Variants in PKHD1L1 observed in about 807,000 individuals in gnomAD.
PKHD1L1 encodes the protein PKHD1 like 1.
A neutral mutation model predicts 462.9 loss-of-function variants in PKHD1L1; 434 were observed. That is an observed-to-expected ratio of 0.94 (90% confidence interval 0.87 to 1.02). PKHD1L1 has a LOEUF of 1.02. PKHD1L1 is among the 50% of genes least tolerant of loss of function. The pLI, the probability that PKHD1L1 is intolerant of heterozygous loss-of-function variation, is 0.00. For synonymous variants in PKHD1L1, 1,781 were observed against 1,750.0 expected (o/e 1.02, Z -0.44); for missense variants, 5,202 against 5,096.1 (o/e 1.02, Z -0.63).
rs747855407 is a variant in PKHD1L1 at position 109,440,743 on chromosome 8, A to T, written c.3990A>T (p.Leu1330Phe). Residue 1330 changes from leucine (L) to phenylalanine (F), a missense_variant, in exon 33 of 78, where the codon TTA becomes TTT. By Grantham distance (22) the Leu-to-Phe change is conservative. Around this residue, in one of 3 missense-constraint regions of PKHD1L1, gnomAD observed 4,497 missense variants for 4,336.8 expected, o/e 1.04. Transcript: ENST00000378402. ...DKLNSSIQYV[L>F]EVTSMFPQRG... ...TAAATTCTTCAATACAGTATGTTTT[A>T]GAAGTGACCAGCATGTTTCCACAAA... 1 of 1,612,880 alleles carries T rather than the reference A, an allele frequency of 6.2e-7. No homozygotes were observed. Among genetic ancestry groups the T allele is most frequent in the South Asian group, 1.1e-5 (1 of 91,022 alleles).
In PKHD1L1 at chr8:109,409,943, A is replaced by C; in HGVS notation, c.2050A>C (p.Lys684Gln). The C allele has an allele frequency of 6.2e-7, 1 of 1,603,774 alleles. No homozygotes were observed. Among genetic ancestry groups the C allele is most frequent in the South Asian group, 1.1e-5 (1 of 89,398 alleles). Residue 684 changes from lysine to glutamine, a missense_variant, in exon 19 of 78, where the codon AAA (lysine) becomes CAA (glutamine). Around this residue, in one of 3 missense-constraint regions of PKHD1L1, gnomAD observed 4,497 missense variants for 4,336.8 expected, o/e 1.04. Transcript: ENST00000378402. ...AAATTTTGAAGAAGGATTTGTTGTG[A>C]AATATTTCAGAGACTATGAAACTGA... is the stretch of plus-strand genomic sequence containing the variant. ...IANFEEGFVV[K>Q]YFRDYETDFN...
At chr8:109,497,384 C>A in intron 65 of PKHD1L1, 112 bp downstream of exon 65, 1 of 1,255,440 alleles carries the variant, frequency 8.0e-7, no homozygotes, top group Non-Finnish European at 1.1e-6. Flanking sequence ...GTCTCGCCCA[C>A]ACCTCCCTGC....
chr8:109,418,173 T>C (rs540316379), intron 21 of PKHD1L1, among the ~76,000 whole-genome samples: 1 of 152,310 alleles, frequency 6.6e-6, no homozygotes, highest in African/African-American at 2.4e-5. Context: ...TTCTAAGTTG[T>C]GGTTTTTAAA....
chr8:109,514,706 A>G (rs1820173360), intron 71 of PKHD1L1, among the ~76,000 whole-genome samples: 1 of 152,158 alleles, frequency 6.6e-6, no homozygotes, highest in Non-Finnish European at 1.5e-5. Flanking sequence ...AAAAATGAAT[A>G]AAATTGAATC....
At position 109,449,430 on chromosome 8, in the gene PKHD1L1, A is replaced by G. The variant is rs1170208551; in HGVS notation, c.6118A>G (p.Ile2040Val). 1.9e-6 allele frequency: 3 copies of G among 1,598,876 alleles called. No homozygotes were observed. Among genetic ancestry groups the G allele is most frequent in the African/African-American group, 2.7e-5 (2 of 74,682 alleles). The change falls in exon 40 of 78, where the codon ATT becomes GTT. Residue 2040 changes from isoleucine (I) to valine (V), a missense_variant. By Grantham distance (29) the Ile-to-Val change is conservative. Around this residue, in one of 3 missense-constraint regions of PKHD1L1, gnomAD observed 4,497 missense variants for 4,336.8 expected, o/e 1.04. Transcript: ENST00000378402. The stretch of plus-strand genomic sequence containing the variant: ...ATTAGTTTGTGGCTCAGAATGTGCA[A>G]TTGACAGGCTTAGATCTGATTACAC... ...IILVCGSECA[I>V]DRLRSDYTTL...
intron 72 of PKHD1L1, among the ~76,000 whole-genome samples, chr8:109,516,900 G>C (rs1375961623): frequency 6.6e-6 from 1 of 151,942 alleles, no homozygotes; most frequent in Admixed American, 6.6e-5. Flanking sequence ...AATTAATAGT[G>C]GAATAAGGCA....
chr8:109,515,212 G>T lies in PKHD1L1; in HGVS notation c.11596G>T (p.Asp3866Tyr). 1 of 1,603,692 alleles carries T rather than the reference G, an allele frequency of 6.2e-7. No homozygotes were observed. ...GIFFSTLQRLDVYVNNLLVCP... is the reference protein window; with the variant it reads ...GIFFSTLQRLYVYVNNLLVCP... ...TTTCTTTTCCACACTTCAACGTTTG[G>T]ATGTCTATGTGAACAACTTATTGGT... Residue 3866 changes from aspartate (D) to tyrosine (Y), a missense_variant, in exon 72 of 78, where the codon GAT becomes TAT. By Grantham distance (160) the Asp-to-Tyr change is radical (BLOSUM62 -3). Around this residue, in one of 3 missense-constraint regions of PKHD1L1, gnomAD observed 698 missense variants for 736.3 expected, o/e 0.95. Coordinates refer to ENST00000378402, the MANE Select transcript of PKHD1L1 (RefSeq NM_177531.6).
At chr8:109,431,729 A>G (rs1815112989) in intron 27 of PKHD1L1, among the ~76,000 whole-genome samples, 1 of 152,222 alleles carries the variant, frequency 6.6e-6, no homozygotes, top group South Asian at 2.1e-4. Context: ...CTATTGGTGG[A>G]CATTTAGATT....
Position 109,420,706 on chromosome 8 carries a change from T to C in PKHD1L1, c.2697+16T>C. Reference sequence around the variant, plus strand: ...CTTTGGGCAGGTAAGCCTAGAATTTTGCATTAATTTTTATGTAGTGAATTT... The same window carrying C: ...CTTTGGGCAGGTAAGCCTAGAATTTCGCATTAATTTTTATGTAGTGAATTT... On this transcript the variant is annotated intron_variant, in intron 23 of 77. Transcript: ENST00000378402. 1 of 1,499,956 alleles carries C rather than the reference T, an allele frequency of 6.7e-7. No homozygotes were observed. The highest frequency in any genetic ancestry group is 8.9e-7 in the Non-Finnish European group (1 of 1,126,170). 92.9% of individuals were successfully genotyped at this position (1,499,956 alleles called of 1,614,324 possible). A position where few individuals can be genotyped will look rare whatever the true frequency, so the allele number is the denominator to read the frequency against.
At chr8:109,449,615 T>C (rs564069274) in intron 40 of PKHD1L1, 128 bp downstream of exon 40, 5 of 721,560 alleles carry the variant, frequency 6.9e-6, no homozygotes, top group Admixed American at 3.9e-5. Flanking sequence ...GTCCTGATTC[T>C]AAGCAATTTC....
intron 24 of PKHD1L1, among the ~76,000 whole-genome samples, chr8:109,426,093 A>G (rs1339564320): frequency 6.6e-6 from 1 of 152,116 alleles, no homozygotes; most frequent in African/African-American, 2.4e-5. Flanking sequence ...ATATGAAGCT[A>G]AACTATTCAG....
chr8:109,443,061 C>T lies in PKHD1L1; in HGVS notation c.4509C>T (p.Thr1503=). The change falls in exon 36 of 78, where the codon ACC becomes ACT. Residue 1503 remains threonine, a synonymous_variant. Coordinates refer to ENST00000378402, the MANE Select transcript of PKHD1L1 (RefSeq NM_177531.6). ...QGVINVLPAE[T]RHIPLHLFVG... is the part of the protein sequence containing the mutation. ...TCATTAATGTTTTACCAGCTGAAAC[C>T]AGACACATTCCCTTGCACCTGTTTG... 6.2e-7 allele frequency: 1 copy of T among 1,613,674 alleles called. No homozygotes were observed. The highest frequency in any genetic ancestry group is 8.5e-7 in the Non-Finnish European group (1 of 1,179,672).
At chr8:109,487,890 G>GAAGGAAGGA (rs1554589553) in intron 59 of PKHD1L1, among the ~76,000 whole-genome samples, 1 of 69,296 alleles carries the variant, frequency 1.4e-5, no homozygotes, top group African/African-American at 5.9e-5. Context: ...GAGAGAGAGA[G>GAAGGAAGGA]AGGAAGGAAG....
intron 48 of PKHD1L1, among the ~76,000 whole-genome samples, chr8:109,462,432 C>T (rs1817189916): frequency 6.6e-6 from 1 of 152,176 alleles, no homozygotes; most frequent in African/African-American, 2.4e-5. Context: ...TCTGATTTAT[C>T]TCCTACGACC....
rs749338119 is a variant in PKHD1L1, at chr8:109,491,937, A to G, written c.10179A>G (p.Pro3393=). 1.4e-5 allele frequency: 22 copies of G among 1,604,004 alleles called. No homozygotes were observed. Among genetic ancestry groups the G allele is most frequent in the Non-Finnish European group, 1.8e-5 (21 of 1,173,650 alleles). ...ATTTGATTGCACTTTCGGTTTGGCC[A>G]GGAACCTATCAGAACAGAAAAGATT... ...RGNLIALSVW[P]GTYQNRKDLS... Residue 3393 remains proline, a synonymous_variant, in exon 62 of 78, where the codon CCA becomes CCG. Coordinates refer to ENST00000378402, the MANE Select transcript of PKHD1L1 (RefSeq NM_177531.6).
chr8:109,366,470 G>C (rs1335174787), intron 2 of PKHD1L1, among the ~76,000 whole-genome samples: 1 of 152,146 alleles, frequency 6.6e-6, no homozygotes, highest in Non-Finnish European at 1.5e-5. Flanking sequence ...GAGGGATATT[G>C]GTCAAAGGGT....
At chr8:109,514,419 C>G (rs1820159883) in intron 71 of PKHD1L1, among the ~76,000 whole-genome samples, 1 of 152,272 alleles carries the variant, frequency 6.6e-6, no homozygotes, top group East Asian at 1.9e-4. Flanking sequence ...AAGCCAGTGG[C>G]TCTGCCAGCA....
Position 109,400,276 on chromosome 8 carries a change from A to T in PKHD1L1, c.1213A>T (p.Arg405Ter). 1 of 1,613,590 alleles carries T rather than the reference A, an allele frequency of 6.2e-7. No individual in the cohort carries two copies. Among genetic ancestry groups the T allele is most frequent in the Non-Finnish European group, 8.5e-7 (1 of 1,179,592 alleles). The change falls in exon 13 of 78, where the codon AGA becomes TGA. Residue 405 changes from arginine to a stop codon, truncating the protein, a stop_gained. Coordinates refer to ENST00000378402, the MANE Select transcript of PKHD1L1 (RefSeq NM_177531.6). LOFTEE classifies it high-confidence loss of function. ...FLVAPDSDVY[R>*]FYIKGDDRYA... ...GGTGGCTCCAGATTCTGATGTTTAT[A>T]GATTCTACATCAAGGGTGATGACCG...
intron 27 of PKHD1L1, among the ~76,000 whole-genome samples, chr8:109,431,110 G>C (rs946638131): frequency 6.6e-6 from 1 of 151,738 alleles, no homozygotes; most frequent in Non-Finnish European, 1.5e-5. Flanking sequence ...TGAGACTACA[G>C]GTGCATACCA....
Sources: gnomAD v4.1 joint callset for allele counts (sites outside exome capture counted in the v4.1 genomes callset) on GRCh38, gnomAD v4.1.1 for gene constraint, gnomAD v4.1.1 regional missense constraint, MANE v1.5 for transcripts, NCBI Gene and HGNC (gene_info 2026-07-23, HGNC 2026-07-21) for gene names.